SMAP2: variants seen among roughly 807,000 people sequenced by gnomAD.
SMAP2 encodes small ArfGAP2, also known as stromal membrane-associated protein 2.
Under a neutral mutation model 56.4 loss-of-function variants are expected in SMAP2, and 25 were observed. That is an observed-to-expected ratio of 0.44 (90% confidence interval 0.32 to 0.62). The LOEUF (loss-of-function observed/expected upper bound fraction) is 0.62. SMAP2 is among the 20% of genes least tolerant of loss of function. The pLI, the probability that SMAP2 is intolerant of heterozygous loss-of-function variation, is 0.04. For missense variants in SMAP2, 388 were observed against 545.6 expected (o/e 0.71, Z 2.88); for synonymous variants, 157 against 181.7 (o/e 0.86, Z 1.09).
At chr1:40,413,890 G>C (rs539284016) in intron 5 of SMAP2, 2 of 377,494 alleles carry the variant, frequency 5.3e-6, no homozygotes, top group Middle Eastern at 8.1e-4. Context: ...CCCCTGTTCT[G>C]TGGTTGTCTT....
intron 1 of SMAP2, among the ~76,000 whole-genome samples, chr1:40,346,720 G>A (rs1644387170): frequency 6.7e-6 from 1 of 149,890 alleles, no homozygotes. Flanking sequence ...GTGTTTCTCA[G>A]AAAAAAAAAA....
chr1:40,408,579 T>A lies in SMAP2; in HGVS notation c.238-74T>A, dbSNP rs1644906774. On this transcript the variant is annotated intron_variant, in intron 2 of 9. Transcript: ENST00000372718. This position sits in a 1 kb window ranked among gnomAD's most constrained non-coding sequence, Gnocchi z 4.3. ...GGTTGGTTCTTCAATTGTACAGTAG[T>A]GGAATTGGGTGAGAAGTTTTTCAGT... The A allele has an allele frequency of 1.6e-6, 2 of 1,276,792 alleles. No individual in the cohort carries two copies. Among genetic ancestry groups the A allele is most frequent in the Non-Finnish European group, 2.3e-6 (2 of 878,514 alleles). The allele number at this position is 1,276,792 out of a possible 1,614,324, so 79.1% of individuals were successfully genotyped here.
intron 1 of SMAP2, among the ~76,000 whole-genome samples, chr1:40,346,465 C>T (rs1443371178): frequency 6.6e-6 from 1 of 151,580 alleles, no homozygotes; most frequent in African/African-American, 2.4e-5. Flanking sequence ...AACCTCCCGG[C>T]CTCAAGTGAT....
At chr1:40,412,651 A>C (rs1644947403) in intron 4 of SMAP2, among the ~76,000 whole-genome samples, 1 of 152,206 alleles carries the variant, frequency 6.6e-6, no homozygotes, top group South Asian at 2.1e-4. Context: ...ATTCACTAGT[A>C]TACTGATATG....
At position 40,348,772 on chromosome 1, in the gene SMAP2, T is replaced by C. The variant is rs1644399137; in HGVS notation, c.-83+3862T>C. On this transcript the variant is annotated intron_variant, in intron 1 of 6. Coordinates refer to the SMAP2 transcript ENST00000435168. ...GTAGAAGAATAAAATACTATTTCTTTCTTTCTTTCTTTCTTTTTTGAGATG... is the reference window on the plus strand; with the variant it reads ...GTAGAAGAATAAAATACTATTTCTTCCTTTCTTTCTTTCTTTTTTGAGATG... Among the ~76,000 whole-genome samples the C allele has an allele frequency of 2.0e-5, 3 of 152,026 alleles. No homozygotes were observed. In the South Asian group the frequency reaches 6.2e-4, roughly 32 times the overall value.
In SMAP2 at chr1:40,374,104, C is replaced by T. The variant is rs1342048607; in HGVS notation, c.-17C>T. On this transcript the variant is annotated 5_prime_UTR_variant, in exon 1 of 10. Transcript: ENST00000372718. The surrounding 1 kb of genome is among the most constrained non-coding windows in gnomAD (Gnocchi z 5.9). Reference sequence around the variant, plus strand: ...GAGGAGGGCGCGTCGCCCTCTGCCCCCGCCGGCACCCTGGCCATGACAGGC... The same window carrying T: ...GAGGAGGGCGCGTCGCCCTCTGCCCTCGCCGGCACCCTGGCCATGACAGGC... 6.2e-7 allele frequency: 1 copy of T among 1,603,890 alleles called. No homozygotes were observed. Among genetic ancestry groups the T allele is most frequent in the Admixed American group, 1.7e-5 (1 of 58,632 alleles).
intron 1 of SMAP2, among the ~76,000 whole-genome samples, chr1:40,404,858 C>T (rs1022191765): frequency 2.0e-5 from 3 of 152,218 alleles, no homozygotes; most frequent in African/African-American, 4.8e-5. Flanking sequence ...CACTCTCCCA[C>T]ATGAAACAAG....
chr1:40,395,520 A>AAATAATAAT (rs148086726), intron 1 of SMAP2, among the ~76,000 whole-genome samples: 13 of 151,336 alleles, frequency 8.6e-5, no homozygotes, highest in African/African-American at 2.7e-4. Context: ...CACCTCTACA[A>AAATAATAAT]AATAATAATA....
intron 1 of SMAP2, chr1:40,393,302 C>G: frequency 6.6e-7 from 1 of 1,509,896 alleles, no homozygotes; most frequent in South Asian, 1.2e-5. Flanking sequence ...GCAACAAACC[C>G]TATCTTAGAA....
At chr1:40,414,322 G>A (rs1557464127) in intron 6 of SMAP2, 82 bp downstream of exon 6, 4 of 1,318,890 alleles carry the variant, frequency 3.0e-6, no homozygotes, top group East Asian at 4.7e-5. Flanking sequence ...GTAGAGATGG[G>A]GTTCTCCAGT....
Position 40,414,164 on chromosome 1 carries a change from G to A in SMAP2, c.495G>A (p.Gln165=). ...PVVFEKVKMP[Q]KKEDPQLPRK... ...ATAACATATTTTCACCTTAGCCACA[G>A]AAAAAAGAAGACCCACAGCTACCTC... Residue 165 remains glutamine, a synonymous_variant, in exon 6 of 10, where the codon CAG becomes CAA. Coordinates refer to ENST00000372718, the MANE Select transcript of SMAP2 (RefSeq NM_022733.3). 1.2e-6 allele frequency: 2 copies of A among 1,613,952 alleles called. No individual in the cohort carries two copies. Among genetic ancestry groups the A allele is most frequent in the South Asian group, 2.2e-5 (2 of 91,064 alleles).
In SMAP2 at chr1:40,408,970, G is replaced by A. The variant is rs999101732; in HGVS notation, c.323+232G>A. 6.6e-6 allele frequency among the ~76,000 whole-genome samples: 1 copy of A among 152,226 alleles called. No homozygotes were observed. Among genetic ancestry groups the A allele is most frequent in the African/African-American group, 2.4e-5 (1 of 41,458 alleles). ...GACTCACTCTGGAATTAAGACTGCA[G>A]TGATTTCACTGTGAATTCTTCTATA... On this transcript the variant is annotated intron_variant, in intron 3 of 9. Transcript: ENST00000372718. This position sits in a 1 kb window ranked among gnomAD's most constrained non-coding sequence, Gnocchi z 4.3.
At chr1:40,361,151 C>T (rs1644458259) in intron 1 of SMAP2, among the ~76,000 whole-genome samples, 1 of 152,210 alleles carries the variant, frequency 6.6e-6, no homozygotes, top group African/African-American at 2.4e-5. Flanking sequence ...GATACCAGTT[C>T]AGCCACAGTA....
rs33976621 is a variant in SMAP2 at position 40,375,826 on chromosome 1, A to ACC, written c.103+1613_103+1614dup. On this transcript the variant is annotated intron_variant, in intron 1 of 9. Transcript: ENST00000372718. ...GTCAGATGCCATTTTGGTGACTAGA[A>ACC]CCCCCCCCCCCATTTCTCATATTAC... is the stretch of plus-strand genomic sequence containing the variant. 1,925 of 817,022 alleles carry ACC rather than the reference A, an allele frequency of 2.4e-3. 2 individuals are homozygous for ACC. Among genetic ancestry groups the ACC allele is most frequent in the Admixed American group, 5.3e-3 (79 of 14,830 alleles). 50.6% of individuals were successfully genotyped at this position (817,022 alleles called of 1,614,324 possible).
chr1:40,385,175 C>T lies in SMAP2; in HGVS notation c.103+10952C>T, dbSNP rs1411075186. ...ATCCCCCATCCTCCCTCATGTGTGGCTGAAGCTTGCCCTGGAATCCCACCT... is the reference window on the plus strand; with the variant it reads ...ATCCCCCATCCTCCCTCATGTGTGGTTGAAGCTTGCCCTGGAATCCCACCT... On this transcript the variant is annotated intron_variant, in intron 1 of 9. Transcript: ENST00000372718. This position sits in a 1 kb window ranked among gnomAD's most constrained non-coding sequence, Gnocchi z 4.5. Among the ~76,000 whole-genome samples, 1 of 152,204 alleles carries T rather than the reference C, an allele frequency of 6.6e-6. No individual in the cohort carries two copies. The highest frequency in any genetic ancestry group is 1.5e-5 in the Non-Finnish European group (1 of 68,034).
intron 1 of SMAP2, among the ~76,000 whole-genome samples, chr1:40,377,017 G>A (rs180911275): frequency 6.6e-6 from 1 of 152,168 alleles, no homozygotes; most frequent in Admixed American, 6.5e-5. Context: ...TGGGTGTGGT[G>A]GCTCAAACCT....
intron 1 of SMAP2, among the ~76,000 whole-genome samples, chr1:40,404,762 G>A (rs1406969747): frequency 6.6e-6 from 1 of 152,104 alleles, no homozygotes; most frequent in Non-Finnish European, 1.5e-5. Flanking sequence ...GTTCCTTTAT[G>A]AAAACTGTAA....
At chr1:40,370,057 A>C, upstream of SMAP2, among the ~76,000 whole-genome samples, 1 of 39,620 alleles carries the variant, frequency 2.5e-5, no homozygotes, top group Non-Finnish European at 4.9e-5. Flanking sequence ...ACATGAACAG[A>C]CACTTCTCAA....
chr1:40,409,670 A>G, intron 3 of SMAP2, 87 bp from the exon 4 acceptor site: 1 of 925,908 alleles, frequency 1.1e-6, no homozygotes, highest in Admixed American at 1.9e-5. Flanking sequence ...GAAGGAGGAG[A>G]ACAATGCTCC....
Sources: gnomAD v4.1 joint callset for allele counts (sites outside exome capture counted in the v4.1 genomes callset) on GRCh38, gnomAD v4.1.1 for gene constraint, Gnocchi (gnomAD v3.1) non-coding constraint, MANE v1.5 for transcripts, NCBI Gene and HGNC (gene_info 2026-07-23, HGNC 2026-07-21) for gene names.